Variants in GSE1 observed in about 807,000 individuals in gnomAD.
GSE1 encodes the protein Gse1 coiled-coil protein, also known as genetic suppressor element 1.
A neutral mutation model predicts 112.6 loss-of-function variants in GSE1; 32 were observed. That is an observed-to-expected ratio of 0.28 (90% CI 0.21 to 0.38). The LOEUF (loss-of-function observed/expected upper bound fraction) is 0.38. GSE1 is among the 10% of genes least tolerant of loss of function. GSE1 has a pLI of 1.00. For missense variants in GSE1, 2,348 were observed against 1,699.2 expected (o/e 1.38, Z -6.71); for synonymous variants, 1,115 against 735.6 (o/e 1.52, Z -8.35).
intron 2 of GSE1, among the ~76,000 whole-genome samples, chr16:85,637,273 C>G (rs1302145616): frequency 3.3e-5 from 5 of 152,244 alleles, no homozygotes; most frequent in Non-Finnish European, 7.3e-5. Context: ...CGGTGCGTGT[C>G]TGGACCCTGA....
chr16:85,653,888 C>T (rs1238057771), intron 3 of GSE1, among the ~76,000 whole-genome samples: 1 of 152,196 alleles, frequency 6.6e-6, no homozygotes, highest in African/African-American at 2.4e-5. Context: ...CCAACGGTGT[C>T]TGCTTCCCCG....
chr16:85,313,539 C>G (rs2045909739), intron 1 of GSE1, among the ~76,000 whole-genome samples: 1 of 152,182 alleles, frequency 6.6e-6, no homozygotes, highest in Non-Finnish European at 1.5e-5. Flanking sequence ...CCCCCTGATC[C>G]CCTTCCTGCC....
intron 1 of GSE1, among the ~76,000 whole-genome samples, chr16:85,577,939 C>T (rs2046295837): frequency 1.3e-5 from 2 of 152,270 alleles, no homozygotes; most frequent in African/African-American, 4.8e-5. Flanking sequence ...TTTGCAGAGC[C>T]CGGCTTGCTG....
chr16:85,663,453 C>T lies in GSE1; in HGVS notation c.2483C>T (p.Ser828Leu), dbSNP rs200410204. The T allele has an allele frequency of 2.5e-4, 403 of 1,613,762 alleles. No homozygotes were observed. The highest frequency in any genetic ancestry group is 3.2e-4 in the Non-Finnish European group (378 of 1,180,038). ...AGGATGCTGCGAGAGAGAAGCCCGT[C>T]GCCCCCAACAATTCAGAGCAAGCGG... The part of the protein sequence containing the change: ...RRRMLRERSP[S>L]PPTIQSKRQT... The change falls in exon 11 of 16, where the codon TCG becomes TTG. Residue 828 changes from serine to leucine, a missense_variant. Ser to Leu is a moderately radical substitution (Grantham distance 145, BLOSUM62 -2). Transcript: ENST00000253458.
At chr16:85,250,791 C>T (rs1040719056) in intron 1 of GSE1, among the ~76,000 whole-genome samples, 2 of 152,090 alleles carry the variant, frequency 1.3e-5, no homozygotes, top group Non-Finnish European at 2.9e-5. Context: ...CCACCACCCC[C>T]AAAAGAAGCC....
intron 2 of GSE1, among the ~76,000 whole-genome samples, chr16:85,391,483 C>T (rs1162603418): frequency 2.0e-5 from 3 of 152,174 alleles, no homozygotes; most frequent in South Asian, 2.1e-4. Flanking sequence ...CAGGTCCAGC[C>T]GGCGATGCTT....
chr16:85,647,486 C>A (rs984774240), intron 2 of GSE1, among the ~76,000 whole-genome samples: 4 of 152,164 alleles, frequency 2.6e-5, no homozygotes, highest in African/African-American at 9.7e-5. Flanking sequence ...AGAAACTCCC[C>A]CAGGGTCACC....
At chr16:85,589,750 CAT>C (rs1376328078) in intron 1 of GSE1, among the ~76,000 whole-genome samples, 2 of 151,812 alleles carry the variant, frequency 1.3e-5, no homozygotes, top group Admixed American at 6.6e-5. Context: ...GATGACTGAA[CAT>C]GTGTGAACTT....
chr16:85,550,013 C>A (rs922851517), intron 2 of GSE1, among the ~76,000 whole-genome samples: 1 of 152,228 alleles, frequency 6.6e-6, no homozygotes, highest in African/African-American at 2.4e-5. Flanking sequence ...CCACTGTTAT[C>A]TGAAACACAG....
intron 1 of GSE1, among the ~76,000 whole-genome samples, chr16:85,572,685 C>G (rs1310335255): frequency 6.6e-6 from 1 of 152,186 alleles, no homozygotes; most frequent in Non-Finnish European, 1.5e-5. Flanking sequence ...GAACCCAGTT[C>G]TCCTCCCTCG....
chr16:85,614,133 G>C (rs941053136), intron 1 of GSE1, among the ~76,000 whole-genome samples: 1 of 150,524 alleles, frequency 6.6e-6, no homozygotes, highest in East Asian at 2.0e-4. Context: ...GGAGGTGGGA[G>C]AGGGATTGCA....
At chr16:85,344,158 C>G (rs1459048442) in intron 1 of GSE1, among the ~76,000 whole-genome samples, 1 of 152,170 alleles carries the variant, frequency 6.6e-6, no homozygotes, top group African/African-American at 2.4e-5. Flanking sequence ...GGATGTGGCA[C>G]TAATGGACAT....
rs1256814523 is a variant in GSE1 at position 85,661,551 on chromosome 16, C to G, written c.2046C>G (p.Thr682=). The stretch of plus-strand genomic sequence containing the variant: ...TCCTGGCTGAGCTCGAGAAGTCCAC[C>G]CAGACCATCCTGGGCCAGCAGCGGG... ...GPFLAELEKS[T]QTILGQQRAS... is the part of the protein sequence containing the mutation. The change falls in exon 9 of 16, where the codon ACC becomes ACG. Residue 682 remains threonine, a synonymous_variant. Coordinates refer to ENST00000253458, the MANE Select transcript of GSE1 (RefSeq NM_014615.5). 5 of 1,611,856 alleles carry G rather than the reference C, an allele frequency of 3.1e-6. No individual in the cohort carries two copies. The highest frequency in any genetic ancestry group is 1.7e-5 in the Admixed American group (1 of 59,964).
intron 2 of GSE1, among the ~76,000 whole-genome samples, chr16:85,389,365 C>G (rs1567729508): frequency 6.7e-6 from 1 of 150,036 alleles, no homozygotes. Context: ...GAGGCTGAAG[C>G]AGGAGAATCA....
chr16:85,184,753 T>C (rs563557543), intron 1 of GSE1, among the ~76,000 whole-genome samples: 10 of 152,238 alleles, frequency 6.6e-5, no homozygotes, highest in Admixed American at 1.3e-4. Context: ...TTTCCAAACA[T>C]TGGACTATCT....
chr16:85,345,132 G>A (rs899225395), intron 1 of GSE1, among the ~76,000 whole-genome samples: 8 of 146,214 alleles, frequency 5.5e-5, no homozygotes, highest in Non-Finnish European at 8.9e-5. Context: ...AGGGGCCTGC[G>A]GGCCAAGTCC....
At chr16:85,440,730 G>A (rs1055868500) in intron 2 of GSE1, among the ~76,000 whole-genome samples, 9 of 152,220 alleles carry the variant, frequency 5.9e-5, no homozygotes, top group Non-Finnish European at 1.3e-4. Context: ...ACCATCACGG[G>A]GGCACAGCGC....
At chr16:85,281,785 G>A (rs186203104) in intron 1 of GSE1, among the ~76,000 whole-genome samples, 1 of 152,146 alleles carries the variant, frequency 6.6e-6, no homozygotes, top group East Asian at 1.9e-4. Context: ...TGTGCACGGG[G>A]TTAGTGTTGC....
chr16:85,260,182 T>C (rs779076441), intron 1 of GSE1, among the ~76,000 whole-genome samples: 2 of 152,212 alleles, frequency 1.3e-5, no homozygotes, highest in Non-Finnish European at 2.9e-5. Flanking sequence ...GGCAGCCCAC[T>C]GCCCTCCCAT....
Sources: gnomAD v4.1 joint callset for allele counts (sites outside exome capture counted in the v4.1 genomes callset) on GRCh38, gnomAD v4.1.1 for gene constraint, MANE v1.5 for transcripts, NCBI Gene and HGNC (gene_info 2026-07-23, HGNC 2026-07-21) for gene names.